Variants in ZNF343 observed in about 807,000 individuals in gnomAD.
ZNF343 encodes zinc finger protein 343.
ZNF343 carries 11 observed loss-of-function variants against 13.8 expected under a neutral mutation model. The observed-to-expected ratio is 0.80, with a 90% CI of 0.50 to 1.32. The LOEUF (loss-of-function observed/expected upper bound fraction) is 1.32. Among genes scored for constraint, ZNF343 ranks in the 40% most tolerant of loss-of-function variants. The pLI is 0.00. For missense variants in ZNF343, 658 were observed against 714.2 expected (o/e 0.92, Z 0.90); for synonymous variants, 248 against 260.0 (o/e 0.95, Z 0.44).
At chr20:2,509,337 T>C (rs916870962), upstream of ZNF343, among the ~76,000 whole-genome samples, 5 of 152,174 alleles carry the variant, frequency 3.3e-5, no homozygotes, top group Admixed American at 1.3e-4. Context: ...GTGAGCACTA[T>C]GTAGATTCGA....
At chr20:2,514,609 C>A (rs1161026458) in intron 1 of ZNF343, among the ~76,000 whole-genome samples, 1 of 152,106 alleles carries the variant, frequency 6.6e-6, no homozygotes, top group East Asian at 1.9e-4. Context: ...TAAAAATAAG[C>A]AGTCTAATTT....
intron 2 of ZNF343, among the ~76,000 whole-genome samples, chr20:2,498,149 G>C (rs1242386508): frequency 2.0e-5 from 3 of 152,192 alleles, no homozygotes; most frequent in Non-Finnish European, 4.4e-5. Context: ...CTGAGGTCAG[G>C]AGGGCAAGAC....
At chr20:2,500,994 G>A (rs550362925) in intron 1 of ZNF343, among the ~76,000 whole-genome samples, 3 of 152,306 alleles carry the variant, frequency 2.0e-5, no homozygotes, top group Admixed American at 6.5e-5. Context: ...CCGAGTGTTA[G>A]CCGAAGCAGG....
In ZNF343 at chr20:2,506,201, T is replaced by C. The variant is rs547078575; in HGVS notation, c.-237+2680A>G. On this transcript the variant is annotated intron_variant, in intron 1 of 5. Coordinates refer to ENST00000278772, the MANE Select transcript of ZNF343 (RefSeq NM_024325.6). ...CAAAAGACACAGGAAAAAATGCCCA[T>C]CATCACTGGCCATCAGAGAAATGCA... Among the ~76,000 whole-genome samples the C allele has an allele frequency of 1.2e-4, 19 of 152,240 alleles. 1 individual carries two copies. In the South Asian group the frequency reaches 3.9e-3, roughly 32 times the overall value.
chr20:2,506,010 A>G (rs2085649548), intron 1 of ZNF343, among the ~76,000 whole-genome samples: 1 of 152,178 alleles, frequency 6.6e-6, no homozygotes, highest in Non-Finnish European at 1.5e-5. Flanking sequence ...CAGGCAACCT[A>G]TACAGAATGG....
At chr20:2,496,963 CCAGCTACTCGGGAGGCTGAGG>C (rs112296990) in intron 2 of ZNF343, among the ~76,000 whole-genome samples, 6,326 of 152,086 alleles carry the variant, frequency 0.042, 375 homozygotes, top group African/African-American at 0.13. Flanking sequence ...GCCTGTAATC[CCAGCTACTCGGGAGGCTGAGG>C]CAGGAGAATT....
At chr20:2,516,195 A>T (rs910119012) in intron 1 of ZNF343, among the ~76,000 whole-genome samples, 7 of 152,040 alleles carry the variant, frequency 4.6e-5, no homozygotes, top group Admixed American at 1.3e-4. Flanking sequence ...GGTCACAGAG[A>T]TGTTAAGGAT....
intron 5 of ZNF343, among the ~76,000 whole-genome samples, chr20:2,492,479 T>C (rs2085381091): frequency 6.6e-6 from 1 of 152,248 alleles, no homozygotes; most frequent in Non-Finnish European, 1.5e-5. Flanking sequence ...TATGTTGCAC[T>C]TATCACCTTT....
At chr20:2,500,225 C>A (rs2085536869) in intron 2 of ZNF343, among the ~76,000 whole-genome samples, 2 of 152,202 alleles carry the variant, frequency 1.3e-5, no homozygotes, top group African/African-American at 4.8e-5. Flanking sequence ...AATTTCTTAA[C>A]CTCTTAACAT....
intron 2 of ZNF343, among the ~76,000 whole-genome samples, chr20:2,498,268 A>G (rs1435423923): frequency 6.6e-6 from 1 of 152,236 alleles, no homozygotes; most frequent in Non-Finnish European, 1.5e-5. Flanking sequence ...AGAAAGGAGA[A>G]TCACTTGAAC....
At chr20:2,501,422 T>C (rs2085564362) in intron 1 of ZNF343, among the ~76,000 whole-genome samples, 1 of 152,198 alleles carries the variant, frequency 6.6e-6, no homozygotes, top group Non-Finnish European at 1.5e-5. Flanking sequence ...CAGAATCCTC[T>C]GCAGACTTAA....
At chr20:2,512,971 G>A (rs901220334), upstream of ZNF343, among the ~76,000 whole-genome samples, 1 of 151,436 alleles carries the variant, frequency 6.6e-6, no homozygotes, top group East Asian at 1.9e-4. Flanking sequence ...GTGGTGGCAG[G>A]CATCTGTAGT....
At chr20:2,503,480 C>A (rs1422968189) in intron 1 of ZNF343, among the ~76,000 whole-genome samples, 1 of 152,226 alleles carries the variant, frequency 6.6e-6, no homozygotes, top group Non-Finnish European at 1.5e-5. Context: ...CTACAGAACT[C>A]TCTACCCCAA....
chr20:2,502,355 T>C (rs2085582904), intron 1 of ZNF343, among the ~76,000 whole-genome samples: 1 of 152,150 alleles, frequency 6.6e-6, no homozygotes, highest in South Asian at 2.1e-4. Flanking sequence ...CTGAAAGTGA[T>C]GGGGAGAATG....
chr20:2,522,334 G>A (rs2085786183), intron 1 of ZNF343, among the ~76,000 whole-genome samples: 1 of 152,094 alleles, frequency 6.6e-6, no homozygotes, highest in Non-Finnish European at 1.5e-5. Flanking sequence ...TCCTTAGAGG[G>A]GAATGTCTGA....
At chr20:2,501,375 C>T (rs1164405761) in intron 1 of ZNF343, among the ~76,000 whole-genome samples, 2 of 152,204 alleles carry the variant, frequency 1.3e-5, no homozygotes, top group Non-Finnish European at 2.9e-5. Flanking sequence ...CTGTAGACTC[C>T]ACCTCTGGGG....
chr20:2,507,908 C>T (rs919943813), intron 1 of ZNF343, among the ~76,000 whole-genome samples: 9 of 152,102 alleles, frequency 5.9e-5, no homozygotes, highest in African/African-American at 2.2e-4. Flanking sequence ...AACTAGAAGC[C>T]GTCAGAGTTC....
chr20:2,516,259 A>G (rs761589215), intron 1 of ZNF343, among the ~76,000 whole-genome samples: 5 of 152,102 alleles, frequency 3.3e-5, no homozygotes, highest in African/African-American at 1.2e-4. Context: ...ACTACTCAGG[A>G]GGCTGAGGAT....
At chr20:2,487,191 T>A (rs2085294839) in intron 5 of ZNF343, among the ~76,000 whole-genome samples, 1 of 152,218 alleles carries the variant, frequency 6.6e-6, no homozygotes, top group Non-Finnish European at 1.5e-5. Context: ...TTTGTTTCTC[T>A]TTGTATTCGA....
Sources: allele counts gnomAD v4.1 joint callset (sites outside exome capture counted in the v4.1 genomes callset), GRCh38; gene constraint gnomAD v4.1.1; transcripts MANE v1.5; gene names NCBI Gene and HGNC (gene_info 2026-07-23, HGNC 2026-07-21).